The following TOP1 variants were observed in gnomAD, a reference collection of about 807,000 sequenced individuals.
TOP1 encodes DNA topoisomerase 1.
A neutral mutation model predicts 111.1 loss-of-function variants in TOP1; 10 were observed. The observed-to-expected ratio is 0.09, with a 90% confidence interval of 0.06 to 0.15. The LOEUF (loss-of-function observed/expected upper bound fraction) is 0.15. Among genes scored for constraint, TOP1 ranks in the 10% least tolerant of loss-of-function variants. The pLI is 1.00. For synonymous variants in TOP1, 271 were observed against 302.9 expected (o/e 0.89, Z 1.10); for missense variants, 474 against 926.7 (o/e 0.51, Z 6.34).
At chr20:41,073,622 C>G (rs2033692837) in intron 3 of TOP1, among the ~76,000 whole-genome samples, 1 of 152,112 alleles carries the variant, frequency 6.6e-6, no homozygotes, top group Non-Finnish European at 1.5e-5. Context: ...CTGCTCTGAA[C>G]TTGGAGGTGG....
In TOP1 at chr20:41,071,183, G is replaced by A. The variant is rs1018534061; in HGVS notation, c.156-4988G>A. Among the ~76,000 whole-genome samples, 3 of 152,050 alleles carry A rather than the reference G, an allele frequency of 2.0e-5. No homozygotes were observed. Among genetic ancestry groups the A allele is most frequent in the African/African-American group, 7.3e-5 (3 of 41,376 alleles). ...AGAAGGGAGACATTGTTCCCTACTGGCTCCCTACTTCCACCGTTTCTCCCA... is the reference window on the plus strand; with the variant it reads ...AGAAGGGAGACATTGTTCCCTACTGACTCCCTACTTCCACCGTTTCTCCCA... On this transcript the variant is annotated intron_variant, in intron 3 of 20. Coordinates refer to ENST00000361337, the MANE Select transcript of TOP1 (RefSeq NM_003286.4). This position sits in a 1 kb window ranked among gnomAD's most constrained non-coding sequence, Gnocchi z 4.3.
rs1019474293 is a variant in TOP1 at position 41,115,727 on chromosome 20, C to T, written c.1707+288C>T. ...AGCTTTCCCTTCACTGAATGCCCAG[C>T]CACCCCTGCTGGAGACCCAAAACCT... On this transcript the variant is annotated intron_variant, in intron 16 of 20. Coordinates refer to ENST00000361337, the MANE Select transcript of TOP1 (RefSeq NM_003286.4). This position sits in a 1 kb window ranked among gnomAD's most constrained non-coding sequence, Gnocchi z 6.3. Among the ~76,000 whole-genome samples, 3 of 152,182 alleles carry T rather than the reference C, an allele frequency of 2.0e-5. No homozygotes were observed. Among genetic ancestry groups the T allele is most frequent in the African/African-American group, 7.2e-5 (3 of 41,454 alleles).
In TOP1 at chr20:41,121,928, T is replaced by A; in HGVS notation, c.2046-78T>A. ...TCTCTATACTAGGGCTTTTATTGAC[T>A]CAAAGTGGCAGGATGGGTACAGTGT... On this transcript the variant is annotated intron_variant, in intron 19 of 20. Coordinates refer to ENST00000361337, the MANE Select transcript of TOP1 (RefSeq NM_003286.4). This position sits in a 1 kb window ranked among gnomAD's most constrained non-coding sequence, Gnocchi z 4.2. The A allele has an allele frequency of 1.9e-6, 3 of 1,578,534 alleles. No homozygotes were observed. Among genetic ancestry groups the A allele is most frequent in the Non-Finnish European group, 2.6e-6 (3 of 1,159,306 alleles).
chr20:41,100,158 C>T lies in TOP1; in HGVS notation c.1078C>T (p.Leu360Phe). The change falls in exon 12 of 21, where the codon CTT (leucine) becomes TTT (phenylalanine). Residue 360 changes from leucine to phenylalanine, a missense_variant. Around this residue, in one of 14 missense-constraint regions of TOP1, gnomAD observed 14 missense variants for 66.1 expected, o/e 0.21. Transcript: ENST00000361337. This position sits in a 1 kb window ranked among gnomAD's most constrained non-coding sequence, Gnocchi z 4.4. Reference protein sequence around the residue: ...IANFKIEPPGLFRGRGNHPKM... With the variant: ...IANFKIEPPGFFRGRGNHPKM... ...TAACTTCAAGATAGAGCCTCCTGGACTTTTCCGTGGCCGCGGCAACCACCC... is the reference window on the plus strand; with the variant it reads ...TAACTTCAAGATAGAGCCTCCTGGATTTTTCCGTGGCCGCGGCAACCACCC... The T allele has an allele frequency of 6.2e-7, 1 of 1,614,074 alleles. No individual in the cohort carries two copies. Among genetic ancestry groups the T allele is most frequent in the Non-Finnish European group, 8.5e-7 (1 of 1,179,972 alleles).
At chr20:41,044,258 A>G (rs2122600201) in intron 2 of TOP1, among the ~76,000 whole-genome samples, 1 of 152,362 alleles carries the variant, frequency 6.6e-6, no homozygotes, top group South Asian at 2.1e-4. Flanking sequence ...CAGGGCAACA[A>G]GAGCAAAACT....
intron 2 of TOP1, among the ~76,000 whole-genome samples, chr20:41,037,020 C>A (rs2033196896): frequency 6.6e-6 from 1 of 151,972 alleles, no homozygotes; most frequent in South Asian, 2.1e-4. Flanking sequence ...TTAGTAGATA[C>A]AGGGTTTCAC....
At chr20:41,090,700 C>T (rs2033909840) in intron 8 of TOP1, among the ~76,000 whole-genome samples, 2 of 150,102 alleles carry the variant, frequency 1.3e-5, no homozygotes, top group Admixed American at 6.6e-5. Context: ...ACGGGGGGGT[C>T]TCGCCATGTT....
chr20:41,098,403 C>T lies in TOP1; in HGVS notation c.975+66C>T. 3.9e-6 allele frequency: 6 copies of T among 1,545,270 alleles called. No individual in the cohort carries two copies. Among genetic ancestry groups the T allele is most frequent in the Non-Finnish European group, 4.4e-6 (5 of 1,130,354 alleles). On this transcript the variant is annotated intron_variant, in intron 11 of 20. Transcript: ENST00000361337. The surrounding 1 kb of genome is among the most constrained non-coding windows in gnomAD (Gnocchi z 5.7). Reference sequence around the variant, plus strand: ...TGTGATTGGTTCATTTAACTTTCTTCTTGGTTCTTATGACACAACATTAAC... The same window carrying T: ...TGTGATTGGTTCATTTAACTTTCTTTTTGGTTCTTATGACACAACATTAAC...
At position 41,029,521 on chromosome 20, in the gene TOP1, C is replaced by G. The variant is rs144575642; in HGVS notation, c.58+66C>G. On this transcript the variant is annotated intron_variant, in intron 2 of 20. Transcript: ENST00000361337. The surrounding 1 kb of genome is among the most constrained non-coding windows in gnomAD (Gnocchi z 6.1). ...GCCGGCCGCCTCCCCCGCGCCCTGC[C>G]GGTGCCGGGCAGAGGACAGACATGG... 3.8e-6 allele frequency: 5 copies of G among 1,314,436 alleles called. No individual in the cohort carries two copies. The highest frequency in any genetic ancestry group is 2.5e-5 in the South Asian group (2 of 80,860). 81.4% of individuals were successfully genotyped at this position (1,314,436 alleles called of 1,614,324 possible).
chr20:41,066,742 G>A (rs1427815568), intron 3 of TOP1, among the ~76,000 whole-genome samples: 1 of 151,834 alleles, frequency 6.6e-6, no homozygotes, highest in African/African-American at 2.4e-5. Context: ...TTTTAGTAGA[G>A]ACGGGGTTTT....
intron 2 of TOP1, among the ~76,000 whole-genome samples, chr20:41,052,310 G>T (rs752036343): frequency 2.6e-5 from 4 of 152,254 alleles, no homozygotes; most frequent in Non-Finnish European, 5.9e-5. Context: ...TATCACATTA[G>T]GGTTTGGTCA....
At chr20:41,081,395 G>C (rs538978842) in intron 7 of TOP1, among the ~76,000 whole-genome samples, 155 bp downstream of exon 7, 1 of 152,184 alleles carries the variant, frequency 6.6e-6, no homozygotes, top group Non-Finnish European at 1.5e-5. Context: ...GGCACTGGTA[G>C]TTTTAAGATC....
intron 3 of TOP1, among the ~76,000 whole-genome samples, chr20:41,068,838 G>T (rs546308170): frequency 6.6e-6 from 1 of 152,144 alleles, no homozygotes; most frequent in Non-Finnish European, 1.5e-5. Flanking sequence ...TAGATCTCTT[G>T]TATAAACAGA....
chr20:41,063,290 A>G (rs1463554541), intron 3 of TOP1, among the ~76,000 whole-genome samples: 1 of 152,196 alleles, frequency 6.6e-6, no homozygotes, highest in Non-Finnish European at 1.5e-5. Flanking sequence ...TTATGACCGT[A>G]TAGTATTCCG....
rs938863225 is a variant in TOP1 at position 41,030,199 on chromosome 20, A to C, written c.58+744A>C. Among the ~76,000 whole-genome samples, 6 of 152,120 alleles carry C rather than the reference A, an allele frequency of 3.9e-5. No homozygotes were observed. Among genetic ancestry groups the C allele is most frequent in the Admixed American group, 3.9e-4 (6 of 15,274 alleles). On this transcript the variant is annotated intron_variant, in intron 2 of 20. Coordinates refer to ENST00000361337, the MANE Select transcript of TOP1 (RefSeq NM_003286.4). The surrounding 1 kb of genome is among the most constrained non-coding windows in gnomAD (Gnocchi z 4.1). ...AGTTCTCTGTGGGTCACCCAATGTA[A>C]ATGTTGGATTTTTAAAAAATTATGT...
In TOP1 at chr20:41,048,078, T is replaced by C. The variant is rs536922629; in HGVS notation, c.59-13316T>C. Among the ~76,000 whole-genome samples the C allele has an allele frequency of 3.0e-4, 44 of 148,394 alleles. No individual in the cohort carries two copies. In the South Asian group the frequency reaches 9.2e-3, roughly 31 times the overall value. On this transcript the variant is annotated intron_variant, in intron 2 of 20. Coordinates refer to ENST00000361337, the MANE Select transcript of TOP1 (RefSeq NM_003286.4). ...TTCCTCAATTGTAGAGACTCAATAG[T>C]CTAGGCTATAAATTAAAAAAAAAAA...
At chr20:41,077,454 A>G in intron 4 of TOP1, 128 bp from the exon 5 acceptor site, 3 of 716,232 alleles carry the variant, frequency 4.2e-6, no homozygotes, top group Non-Finnish European at 7.3e-6. Flanking sequence ...TCATCTGTTC[A>G]GTTTTGGTAA....
intron 3 of TOP1, among the ~76,000 whole-genome samples, chr20:41,064,269 A>G (rs951425239): frequency 3.3e-5 from 5 of 152,024 alleles, no homozygotes; most frequent in African/African-American, 7.3e-5. Flanking sequence ...CATTTGGTCT[A>G]TGTGTCTGTT....
Position 41,028,867 on chromosome 20 carries a change from G to A in TOP1, c.-201G>A. The A allele has an allele frequency of 1.8e-6, 1 of 558,870 alleles. No individual in the cohort carries two copies. Among genetic ancestry groups the A allele is most frequent in the Admixed American group, 3.4e-5 (1 of 29,100 alleles). 34.6% of individuals were successfully genotyped at this position (558,870 alleles called of 1,614,324 possible). A position where few individuals can be genotyped will look rare whatever the true frequency, so the allele number is the denominator to read the frequency against. ...TACACAACTGCTGGGGTCTGTTCTC[G>A]CCGCCCGCCCGGCAGTCAGGCAGCG... On this transcript the variant is annotated 5_prime_UTR_variant, in exon 1 of 21. Transcript: ENST00000361337.
Sources: gnomAD v4.1 joint callset for allele counts (sites outside exome capture counted in the v4.1 genomes callset) on GRCh38, gnomAD v4.1.1 for gene constraint, gnomAD v4.1.1 regional missense constraint, Gnocchi (gnomAD v3.1) non-coding constraint, MANE v1.5 for transcripts, NCBI Gene and HGNC (gene_info 2026-07-23, HGNC 2026-07-21) for gene names.